The following RFX4 variants were observed in gnomAD, a reference collection of about 807,000 sequenced individuals.
RFX4 encodes the protein regulatory factor X4.
In RFX4, 10 loss-of-function variants were observed where a neutral mutation model predicts 95.0. The ratio of observed to expected loss-of-function variants is 0.11; its 90% CI spans 0.06 to 0.18. The LOEUF is 0.18. Ranked by LOEUF, RFX4 falls within the 10% of genes least tolerant of loss-of-function variation. The pLI is 1.00. For missense variants in RFX4, 640 were observed against 922.0 expected (o/e 0.69, Z 3.96); for synonymous variants, 321 against 340.7 (o/e 0.94, Z 0.64).
intron 8 of RFX4, among the ~76,000 whole-genome samples, chr12:106,700,328 G>A (rs954968278): frequency 3.3e-5 from 5 of 151,750 alleles, no homozygotes; most frequent in Non-Finnish European, 7.4e-5. Flanking sequence ...CACCATGCCT[G>A]GCCATGATTG....
At chr12:106,639,215 C>A in intron 2 of RFX4, 117 bp from the exon 3 acceptor site, 1 of 804,038 alleles carries the variant, frequency 1.2e-6, no homozygotes, top group Non-Finnish European at 2.0e-6. Context: ...AATATTGTTT[C>A]AAAGCATCAA....
intron 4 of RFX4, among the ~76,000 whole-genome samples, chr12:106,660,760 C>T (rs905778261): frequency 1.3e-5 from 2 of 152,094 alleles, no homozygotes; most frequent in African/African-American, 4.8e-5. Flanking sequence ...CGAGCATTAC[C>T]TCCTGAGCTC....
intron 13 of RFX4, among the ~76,000 whole-genome samples, chr12:106,727,745 G>A (rs1487306237): frequency 6.6e-6 from 1 of 151,694 alleles, no homozygotes; most frequent in African/African-American, 2.4e-5. Flanking sequence ...TCAGCCTCCC[G>A]AGTAGCTGGG....
intron 1 of RFX4, among the ~76,000 whole-genome samples, chr12:106,599,647 GCTGGGGAGTGAACACAGTTAA>G (rs2039671081): frequency 6.6e-6 from 1 of 152,132 alleles, no homozygotes; most frequent in Admixed American, 6.5e-5. Context: ...ACATGGATTG[GCTGGGGAGTGAACACAGTTAA>G]CTGGAAAGAG....
Position 106,720,702 on chromosome 12 carries a change from A to T in RFX4, c.1234-57A>T. The T allele has an allele frequency of 6.6e-7, 1 of 1,521,360 alleles. No individual in the cohort carries two copies. The highest frequency in any genetic ancestry group is 9.1e-7 in the Non-Finnish European group (1 of 1,096,204). The allele number at this position is 1,521,360 out of a possible 1,614,324, so 94.2% of individuals were successfully genotyped here. ...TCAACCGGCCTCATTTTTCAAAGAGACAGTAATAAATGAAAGGTCAAGTCG... is the reference window on the plus strand; with the variant it reads ...TCAACCGGCCTCATTTTTCAAAGAGTCAGTAATAAATGAAAGGTCAAGTCG... On this transcript the variant is annotated intron_variant, in intron 12 of 17. Transcript: ENST00000392842. The surrounding 1 kb of genome is among the most constrained non-coding windows in gnomAD (Gnocchi z 4.2).
chr12:106,639,188 C>A, intron 2 of RFX4, 144 bp from the exon 3 acceptor site: 3 of 629,158 alleles, frequency 4.8e-6, no homozygotes, highest in East Asian at 5.5e-5. Flanking sequence ...ATGAGTCTAA[C>A]ATGTTGGAAA....
chr12:106,617,091 A>G (rs1008100449), intron 2 of RFX4, among the ~76,000 whole-genome samples: 4 of 151,906 alleles, frequency 2.6e-5, no homozygotes, highest in African/African-American at 7.3e-5. Flanking sequence ...TTTGACATCT[A>G]TGTTGATGTT....
intron 17 of RFX4, among the ~76,000 whole-genome samples, chr12:106,757,308 G>A (rs2043126107): frequency 6.6e-6 from 1 of 152,186 alleles, no homozygotes; most frequent in African/African-American, 2.4e-5. Context: ...TGGAAGCCCA[G>A]GAGTTCCAGT....
intron 1 of RFX4, chr12:106,583,709 C>G (rs1274555913): frequency 5.0e-6 from 1 of 200,432 alleles, no homozygotes. Context: ...GCCGACCGCC[C>G]CCTCCCGGAC....
chr12:106,667,481 G>C (rs909515052), intron 4 of RFX4, among the ~76,000 whole-genome samples: 5 of 152,160 alleles, frequency 3.3e-5, no homozygotes, highest in African/African-American at 1.2e-4. Context: ...ACCTGGTCAA[G>C]CTCCTAGAGG....
Position 106,659,694 on chromosome 12 carries a change from C to A in RFX4, c.315+5343C>A, listed in dbSNP as rs75514755. On this transcript the variant is annotated intron_variant, in intron 4 of 17. Transcript: ENST00000392842. ...AGTAGATACTGTTATTGTTCCCATT[C>A]CATGGATGGCAAACTGAGTCCCAGA... is the stretch of plus-strand genomic sequence containing the variant. Among the ~76,000 whole-genome samples, 497 of 152,296 alleles carry A rather than the reference C, an allele frequency of 3.3e-3. 2 individuals are homozygous for A. Among genetic ancestry groups the A allele is most frequent in the Non-Finnish European group, 5.8e-3 (395 of 68,024 alleles).
intron 3 of RFX4, among the ~76,000 whole-genome samples, chr12:106,650,303 C>T (rs760494898): frequency 1.3e-5 from 2 of 152,120 alleles, no homozygotes; most frequent in African/African-American, 2.4e-5. Flanking sequence ...AAAAGGGATA[C>T]TTTTATCTTC....
chr12:106,692,748 C>T (rs2137438488), intron 7 of RFX4, among the ~76,000 whole-genome samples: 1 of 152,228 alleles, frequency 6.6e-6, no homozygotes, highest in African/African-American at 2.4e-5. Context: ...CTTATCAGAA[C>T]TCTCCTTTCT....
chr12:106,609,505 A>G (rs2039911556), intron 2 of RFX4, among the ~76,000 whole-genome samples: 1 of 152,226 alleles, frequency 6.6e-6, no homozygotes, highest in Admixed American at 6.5e-5. Flanking sequence ...TTGCAGAGTC[A>G]GAAGTGTCTT....
intron 2 of RFX4, among the ~76,000 whole-genome samples, chr12:106,633,997 G>GGACT (rs1204521398): frequency 6.6e-6 from 1 of 152,168 alleles, no homozygotes; most frequent in East Asian, 1.9e-4. Flanking sequence ...AAACTAGGAT[G>GGACT]GACTGTATGA....
At position 106,720,126 on chromosome 12, in the gene RFX4, A is replaced by G; in HGVS notation, c.1233+72A>G. The G allele has an allele frequency of 7.7e-7, 1 of 1,296,962 alleles. No individual in the cohort carries two copies. Among genetic ancestry groups the G allele is most frequent in the Non-Finnish European group, 1.1e-6 (1 of 892,842 alleles). 80.3% of individuals were successfully genotyped at this position (1,296,962 alleles called of 1,614,324 possible). A position where few individuals can be genotyped will look rare whatever the true frequency, so the allele number is the denominator to read the frequency against. On this transcript the variant is annotated intron_variant, in intron 12 of 17. Coordinates refer to ENST00000392842, the MANE Select transcript of RFX4 (RefSeq NM_213594.3). The surrounding 1 kb of genome is among the most constrained non-coding windows in gnomAD (Gnocchi z 4.2). ...CCACTGCCCTCTGTGAACTTGGCCA[A>G]GACAAAGCCCTATGGTAAGCTATCT...
At chr12:106,704,364 C>A (rs2042045297) in intron 8 of RFX4, among the ~76,000 whole-genome samples, 1 of 152,188 alleles carries the variant, frequency 6.6e-6, no homozygotes, top group African/African-American at 2.4e-5. Context: ...GCAAGGCTTA[C>A]AAATCAAGTG....
chr12:106,731,094 C>A (rs1471322112), intron 13 of RFX4, among the ~76,000 whole-genome samples: 16 of 152,078 alleles, frequency 1.1e-4, no homozygotes, highest in African/African-American at 3.6e-4. Context: ...AAGTTTTGGA[C>A]ATTTTAAAGG....
chr12:106,679,238 A>G (rs983999628), intron 4 of RFX4, among the ~76,000 whole-genome samples: 1 of 152,212 alleles, frequency 6.6e-6, no homozygotes, highest in South Asian at 2.1e-4. Flanking sequence ...TGGGTGGATC[A>G]CTTGAGGTCA....
Sources: gnomAD v4.1 joint callset for allele counts (sites outside exome capture counted in the v4.1 genomes callset) on GRCh38, gnomAD v4.1.1 for gene constraint, Gnocchi (gnomAD v3.1) non-coding constraint, MANE v1.5 for transcripts, NCBI Gene and HGNC (gene_info 2026-07-23, HGNC 2026-07-21) for gene names.